The following SLC39A14 variants were observed in gnomAD, a reference collection of about 807,000 sequenced individuals.
The protein encoded by SLC39A14 is metal cation symporter ZIP14.
In SLC39A14, 19 loss-of-function variants were observed where a neutral mutation model predicts 45.5. The ratio of observed to expected loss-of-function variants is 0.42; its 90% CI spans 0.29 to 0.61. The LOEUF (loss-of-function observed/expected upper bound fraction) is 0.61, where lower values mean the gene tolerates loss of function less well. Among genes scored for constraint, SLC39A14 ranks in the 20% least tolerant of loss-of-function variants. SLC39A14 has a pLI of 0.22. For missense variants in SLC39A14, 447 were observed against 616.5 expected, an observed-to-expected ratio of 0.73 and a Z score of 2.91; for synonymous variants, 264 against 251.3, an observed-to-expected ratio of 1.05 and a Z score of -0.48.
At chr8:22,411,988 G>A (rs1231888126) in intron 3 of SLC39A14, 49 bp from the exon 4 acceptor site, 2 of 1,509,864 alleles carry the variant, frequency 1.3e-6, no homozygotes, top group East Asian at 2.5e-5. Flanking sequence ...TGGGGCATGT[G>A]CCTTCTCTCC....
At chr8:22,432,558 A>G (rs1836482690) in intron 8 of SLC39A14, among the ~76,000 whole-genome samples, 1 of 149,998 alleles carries the variant, frequency 6.7e-6, no homozygotes, top group Non-Finnish European at 1.5e-5. Flanking sequence ...GGTTCACTTC[A>G]GCCTCAACTC....
intron 1 of SLC39A14, among the ~76,000 whole-genome samples, chr8:22,370,980 C>T (rs1460367392): frequency 1.1e-4 from 16 of 152,156 alleles, no homozygotes; most frequent in Admixed American, 9.2e-4. Context: ...GAGGGCAGGC[C>T]CTAGAACACA....
intron 1 of SLC39A14, among the ~76,000 whole-genome samples, chr8:22,374,992 C>A (rs545124953): frequency 2.0e-5 from 3 of 151,770 alleles, no homozygotes; most frequent in African/African-American, 7.3e-5. Flanking sequence ...GTGATCCACC[C>A]GCCTTGGCCT....
chr8:22,380,698 A>T (rs1313666574), intron 1 of SLC39A14, among the ~76,000 whole-genome samples: 2 of 150,730 alleles, frequency 1.3e-5, no homozygotes, highest in Non-Finnish European at 3.0e-5. Context: ...ACCCCCAGAG[A>T]TGGGGTCTCA....
At chr8:22,407,072 T>C (rs7828414) in intron 2 of SLC39A14, among the ~76,000 whole-genome samples, 85,603 of 152,134 alleles carry the variant, frequency 0.56, 25,009 homozygotes, top group African/African-American at 0.73. Flanking sequence ...CTGTGTGTGG[T>C]GGCTGCTGGC....
At position 22,420,893 on chromosome 8, in the gene SLC39A14, T is replaced by G; in HGVS notation, c.*1195T>G. On this transcript the variant is annotated 3_prime_UTR_variant, in exon 9 of 9. Coordinates refer to ENST00000381237, the MANE Select transcript of SLC39A14 (RefSeq NM_001128431.4). ...TAAATGACCCGTCTAGGTTACTGCT[T>G]CCTTGCAAAAAAAGTCGAATCCTGC... 3 of 985,600 alleles carry G rather than the reference T, an allele frequency of 3.0e-6. No homozygotes were observed. The highest frequency in any genetic ancestry group is 3.6e-6 in the Non-Finnish European group (3 of 829,912). The allele number at this position is 985,600 out of a possible 1,614,324, so 61.1% of individuals were successfully genotyped here.
At chr8:22,386,657 G>C (rs1193859792) in intron 1 of SLC39A14, among the ~76,000 whole-genome samples, 5 of 152,228 alleles carry the variant, frequency 3.3e-5, no homozygotes, top group African/African-American at 9.6e-5. Context: ...TGGGGACTCT[G>C]ACAGAACAGA....
chr8:22,416,371 T>G (rs1835883282), intron 7 of SLC39A14, 91 bp downstream of exon 7: 1 of 1,045,384 alleles, frequency 9.6e-7, no homozygotes, highest in African/African-American at 1.6e-5. Context: ...CATCTCCCTG[T>G]CTTCACAGTG....
At chr8:22,370,951 A>C (rs1832893259) in intron 1 of SLC39A14, among the ~76,000 whole-genome samples, 1 of 152,158 alleles carries the variant, frequency 6.6e-6, no homozygotes, top group Admixed American at 6.5e-5. Context: ...CCAGGGCTTC[A>C]TGCCCACCTA....
chr8:22,414,785 T>G lies in SLC39A14; in HGVS notation c.633T>G (p.Phe211Leu). ...NALFQLIPEA[F>L]GFNPLEDYYV... ...TTCTTTTCCTGGGTCCACAGGCATT[T>G]GGTTTCAACCCTCTGGAAGATTATT... The change falls in exon 5 of 9, where the codon TTT (phenylalanine) becomes TTG (leucine). Residue 211 changes from phenylalanine to leucine, a missense_variant. Phe to Leu is a conservative substitution (Grantham distance 22). This residue lies in a region of SLC39A14 where 342 missense variants were observed against 428.1 expected (regional missense o/e 0.80). Transcript: ENST00000381237. 6.2e-7 allele frequency: 1 copy of G among 1,603,556 alleles called. No homozygotes were observed. Among genetic ancestry groups the G allele is most frequent in the Non-Finnish European group, 8.5e-7 (1 of 1,178,052 alleles).
At chr8:22,414,403 G>A (rs1267837499) in intron 4 of SLC39A14, among the ~76,000 whole-genome samples, 1 of 152,176 alleles carries the variant, frequency 6.6e-6, no homozygotes, top group African/African-American at 2.4e-5. Flanking sequence ...CACTAGATAA[G>A]ATGAAAATAA....
At chr8:22,368,990 A>T (rs1025004198) in intron 1 of SLC39A14, among the ~76,000 whole-genome samples, 1 of 152,174 alleles carries the variant, frequency 6.6e-6, no homozygotes. Flanking sequence ...TCCTTGGTAA[A>T]GCAAGAGAAG....
intron 1 of SLC39A14, among the ~76,000 whole-genome samples, chr8:22,382,227 G>A (rs982621581): frequency 1.4e-4 from 22 of 152,054 alleles, no homozygotes; most frequent in African/African-American, 1.9e-4. Flanking sequence ...AACCTAAAAC[G>A]TTGATAATCA....
At chr8:22,414,400 T>C (rs1835754979) in intron 4 of SLC39A14, among the ~76,000 whole-genome samples, 1 of 152,184 alleles carries the variant, frequency 6.6e-6, no homozygotes, top group Non-Finnish European at 1.5e-5. Context: ...GAACACTAGA[T>C]AAGATGAAAA....
intron 1 of SLC39A14, among the ~76,000 whole-genome samples, chr8:22,371,737 T>C (rs1832947569): frequency 7.1e-6 from 1 of 140,294 alleles, no homozygotes; most frequent in Non-Finnish European, 1.5e-5. Flanking sequence ...AGCCAAATCA[T>C]ATCTTTTATC....
At position 22,416,294 on chromosome 8, in the gene SLC39A14, C is replaced by T; in HGVS notation, c.1147+14C>T. ...CACATGAGCTAGGTAAGCGTGCGTCCCCCGTTCCACTGGTGCTCCCTTGGG... is the reference window on the plus strand; with the variant it reads ...CACATGAGCTAGGTAAGCGTGCGTCTCCCGTTCCACTGGTGCTCCCTTGGG... On this transcript the variant is annotated intron_variant, in intron 7 of 8. Transcript: ENST00000381237. The T allele has an allele frequency of 1.2e-6, 2 of 1,610,194 alleles. No homozygotes were observed. The highest frequency in any genetic ancestry group is 1.7e-5 in the Admixed American group (1 of 60,018).
At chr8:22,429,211 G>A (rs1366275369) in intron 8 of SLC39A14, among the ~76,000 whole-genome samples, 1 of 152,164 alleles carries the variant, frequency 6.6e-6, no homozygotes, top group East Asian at 1.9e-4. Flanking sequence ...GGCAGAGCTT[G>A]CAGTGAGCCA....
rs554472749 is a variant in SLC39A14, at chr8:22,428,821, G to T, written c.1333-5070G>T. Among the ~76,000 whole-genome samples the T allele has an allele frequency of 3.3e-5, 5 of 152,200 alleles. No homozygotes were observed. In the East Asian group the frequency reaches 9.7e-4, roughly 29 times the overall value. ...CTGCCTTGATCTAACTGATGATTTT[G>T]TTTTTTCACTGAAAAACTTAAAGCA... is the stretch of plus-strand genomic sequence containing the variant. On this transcript the variant is annotated intron_variant, in intron 8 of 8. Coordinates refer to the SLC39A14 transcript ENST00000240095.
intron 1 of SLC39A14, among the ~76,000 whole-genome samples, chr8:22,381,025 G>A (rs1201933882): frequency 6.6e-6 from 1 of 151,798 alleles, no homozygotes; most frequent in East Asian, 1.9e-4. Context: ...CCAGGCTAGA[G>A]TGCAGTGGCG....
Sources: allele counts gnomAD v4.1 joint callset (sites outside exome capture counted in the v4.1 genomes callset), GRCh38; gene constraint gnomAD v4.1.1; regional missense constraint gnomAD v4.1.1; transcripts MANE v1.5; gene names NCBI Gene and HGNC (gene_info 2026-07-23, HGNC 2026-07-21).